The following TAB2 variants were observed in gnomAD, a reference collection of about 807,000 sequenced individuals.
The protein encoded by TAB2 is TGF-beta-activated kinase 1 and MAP3K7-binding protein 2.
TAB2 carries 3 observed loss-of-function variants against 65.0 expected under a neutral mutation model. The observed-to-expected ratio is 0.05, with a 90% CI of 0.02 to 0.12. The LOEUF (loss-of-function observed/expected upper bound fraction) is 0.12, where lower values mean the gene tolerates loss of function less well. Among genes scored for constraint, TAB2 ranks in the 10% least tolerant of loss-of-function variants. The pLI is 1.00. For missense variants in TAB2, 623 were observed against 840.3 expected (o/e 0.74, Z 3.20); for synonymous variants, 298 against 285.1 (o/e 1.05, Z -0.46).
chr6:149,377,906 ATATGT>A, intron 2 of TAB2, 107 bp from the exon 3 acceptor site: 1 of 811,828 alleles, frequency 1.2e-6, no homozygotes, highest in Admixed American at 2.4e-5. Flanking sequence ...ATATCCAAAT[ATATGT>A]TATAATTGTA....
At chr6:149,350,126 T>G (rs1780442422) in intron 1 of TAB2, among the ~76,000 whole-genome samples, 1 of 152,074 alleles carries the variant, frequency 6.6e-6, no homozygotes, top group African/African-American at 2.4e-5. Context: ...GAGACAGGGT[T>G]TCACCATGTT....
chr6:149,403,250 ATATATATATATAT>A (rs1782514055), intron 6 of TAB2, among the ~76,000 whole-genome samples: 5 of 15,516 alleles, frequency 3.2e-4, no homozygotes, highest in Non-Finnish European at 4.7e-4. Context: ...AAAAAAAAAT[ATATATATATATAT>A]ATATATATAT....
intron 1 of TAB2, among the ~76,000 whole-genome samples, chr6:149,252,208 A>AC (rs1777876180): frequency 6.6e-6 from 1 of 152,050 alleles, no homozygotes; most frequent in Non-Finnish European, 1.5e-5. Flanking sequence ...GGAGTTTGAG[A>AC]CCAGCCTGAC....
At chr6:149,335,368 T>C (rs915956251) in intron 1 of TAB2, among the ~76,000 whole-genome samples, 3 of 151,290 alleles carry the variant, frequency 2.0e-5, no homozygotes. Context: ...ATATATAATA[T>C]TTACATACAT....
chr6:149,301,834 T>C (rs1184776984), intron 1 of TAB2, among the ~76,000 whole-genome samples: 2 of 152,192 alleles, frequency 1.3e-5, no homozygotes, highest in Non-Finnish European at 2.9e-5. Context: ...TTTATAAAGC[T>C]CTTGAGTTAG....
chr6:149,330,678 A>C (rs1456391840), intron 1 of TAB2, among the ~76,000 whole-genome samples: 4 of 152,170 alleles, frequency 2.6e-5, no homozygotes, highest in African/African-American at 9.7e-5. Context: ...TCTATATCCA[A>C]GTCCTTTGTT....
At chr6:149,275,662 A>G (rs1043396143) in intron 1 of TAB2, among the ~76,000 whole-genome samples, 4 of 152,210 alleles carry the variant, frequency 2.6e-5, no homozygotes, top group Non-Finnish European at 5.9e-5. Context: ...TTCAGTAGAG[A>G]AACCTGCAAA....
At chr6:149,297,470 A>AT (rs1277078475) in intron 1 of TAB2, among the ~76,000 whole-genome samples, 1 of 152,146 alleles carries the variant, frequency 6.6e-6, no homozygotes, top group Non-Finnish European at 1.5e-5. Context: ...CATTGTTTTA[A>AT]TTTTTTTCAA....
chr6:149,350,750 G>A (rs1305400768), intron 1 of TAB2, among the ~76,000 whole-genome samples: 1 of 151,452 alleles, frequency 6.6e-6, no homozygotes, highest in African/African-American at 2.4e-5. Flanking sequence ...GAGTAGCTGG[G>A]ACTACAGGCA....
intron 6 of TAB2, among the ~76,000 whole-genome samples, chr6:149,408,707 A>T (rs562106970): frequency 3.9e-5 from 6 of 152,222 alleles, no homozygotes; most frequent in Middle Eastern, 6.8e-3. Context: ...TGGGACCCAA[A>T]TTTTTTTAAG....
At chr6:149,316,713 G>C (rs1779261209), upstream of TAB2, among the ~76,000 whole-genome samples, 1 of 152,082 alleles carries the variant, frequency 6.6e-6, no homozygotes, top group Non-Finnish European at 1.5e-5. Flanking sequence ...CGCAAAGCTA[G>C]TCTTTGGCTC....
intron 1 of TAB2, among the ~76,000 whole-genome samples, chr6:149,287,362 G>A (rs1778694430): frequency 6.6e-6 from 1 of 152,060 alleles, no homozygotes; most frequent in Non-Finnish European, 1.5e-5. Context: ...AGAAAGCCCT[G>A]AACTGTGTAC....
At chr6:149,226,403 C>T (rs998822992) in intron 1 of TAB2, among the ~76,000 whole-genome samples, 8 of 152,114 alleles carry the variant, frequency 5.3e-5, no homozygotes, top group Admixed American at 2.0e-4. Context: ...TGCATAAAAA[C>T]CATTAACTGG....
At chr6:149,373,335 T>C (rs896007255) in intron 2 of TAB2, among the ~76,000 whole-genome samples, 48 of 152,218 alleles carry the variant, frequency 3.2e-4, no homozygotes, top group African/African-American at 1.1e-3. Flanking sequence ...TTCAAAGTAC[T>C]GCATTAAGTA....
chr6:149,321,632 G>A (rs533662003), intron 1 of TAB2, among the ~76,000 whole-genome samples: 3 of 152,250 alleles, frequency 2.0e-5, no homozygotes, highest in East Asian at 1.9e-4. Context: ...GAGGTTATGC[G>A]TTTCACTTGG....
chr6:149,258,416 TACACACACACACAC>T lies in TAB2; in HGVS notation c.-121+39665_-121+39678del, dbSNP rs56710457. On this transcript the variant is annotated intron_variant, in intron 1 of 1. Transcript: ENST00000606202. ...GAGCCCCCTCCAGTGCATGACTGCC[TACACACACACACAC>T]ACACACACACACACACACACACACT... 1.6e-3 allele frequency among the ~76,000 whole-genome samples: 234 copies of T among 146,304 alleles called. 1 individual carries two copies. The highest frequency in any genetic ancestry group is 5.1e-3 in the African/African-American group (203 of 39,608).
At chr6:149,312,715 A>T (rs892748015), upstream of TAB2, among the ~76,000 whole-genome samples, 15 of 152,178 alleles carry the variant, frequency 9.9e-5, no homozygotes, top group African/African-American at 3.6e-4. Context: ...ATTTGAGAGG[A>T]TGGAGGCCAC....
In TAB2 at chr6:149,399,192, T is replaced by C; in HGVS notation, c.1939+8T>C. The stretch of plus-strand genomic sequence containing the variant: ...TGCCACCAAAACCCAAAGGTTAGTG[T>C]ATCCATTAAATGTGAAAACTGTTAC... On this transcript the variant is annotated splice_region_variant and intron_variant, in intron 6 of 6. Coordinates refer to ENST00000637181, the MANE Select transcript of TAB2 (RefSeq NM_001292034.3). 6.2e-7 allele frequency: 1 copy of C among 1,612,372 alleles called. No homozygotes were observed. The highest frequency in any genetic ancestry group is 8.5e-7 in the Non-Finnish European group (1 of 1,178,668).
chr6:149,274,896 C>A (rs1353895470), intron 1 of TAB2, among the ~76,000 whole-genome samples: 1 of 152,110 alleles, frequency 6.6e-6, no homozygotes, highest in African/African-American at 2.4e-5. Context: ...GTAACCAGGC[C>A]AGAGAGAGAA....
Sources: gnomAD v4.1 joint callset for allele counts (sites outside exome capture counted in the v4.1 genomes callset) on GRCh38, gnomAD v4.1.1 for gene constraint, MANE v1.5 for transcripts, NCBI Gene and HGNC (gene_info 2026-07-23, HGNC 2026-07-21) for gene names.